The following MGAT4C variants were observed in gnomAD, a reference collection of about 807,000 sequenced individuals.
MGAT4C encodes MGAT4 family member C.
In MGAT4C, 19 loss-of-function variants were observed where a neutral mutation model predicts 40.1. The observed-to-expected ratio is 0.47, with a 90% CI of 0.33 to 0.70. The LOEUF is 0.70. Ranked by LOEUF, MGAT4C falls within the 30% of genes least tolerant of loss-of-function variation. The probability of loss-of-function intolerance (pLI) is 0.02; values close to 1 mark genes in which losing one functional copy is unlikely to be tolerated. For missense variants in MGAT4C, 491 were observed against 563.2 expected, an observed-to-expected ratio of 0.87 and a Z score of 1.30; for synonymous variants, 181 against 187.1, an observed-to-expected ratio of 0.97 and a Z score of 0.27.
chr12:86,828,322 G>A (rs943597785), intron 1 of MGAT4C, among the ~76,000 whole-genome samples: 3 of 150,350 alleles, frequency 2.0e-5, no homozygotes, highest in Non-Finnish European at 3.0e-5. Context: ...TTTTTACTCC[G>A]AGATATGTTA....
chr12:86,284,219 A>G (rs575282249), intron 4 of MGAT4C, among the ~76,000 whole-genome samples: 2 of 152,086 alleles, frequency 1.3e-5, no homozygotes, highest in South Asian at 2.1e-4. Context: ...TGAATACACA[A>G]ACAGACTTAA....
chr12:86,488,276 A>C (rs916976971), intron 2 of MGAT4C, among the ~76,000 whole-genome samples: 3 of 151,676 alleles, frequency 2.0e-5, no homozygotes, highest in African/African-American at 7.3e-5. Context: ...AAATAGAAAA[A>C]TTAGCTGGGC....
chr12:86,318,054 T>G (rs894540327), intron 4 of MGAT4C, among the ~76,000 whole-genome samples: 49 of 151,972 alleles, frequency 3.2e-4, no homozygotes, highest in African/African-American at 1.2e-3. Context: ...AAATTTTCAT[T>G]GAAGATAATT....
intron 1 of MGAT4C, among the ~76,000 whole-genome samples, chr12:86,217,446 C>T (rs1407493585): frequency 6.6e-6 from 1 of 152,082 alleles, no homozygotes; most frequent in Non-Finnish European, 1.5e-5. Flanking sequence ...AAAGTGTCCC[C>T]TCTACAGTTT....
rs932019346 is a variant in MGAT4C, at chr12:86,751,445, C to T, written c.-261-24204G>A. Among the ~76,000 whole-genome samples the T allele has an allele frequency of 6.6e-5, 10 of 151,340 alleles. No homozygotes were observed. In the South Asian group the frequency reaches 1.3e-3, roughly 19 times the overall value. On this transcript the variant is annotated intron_variant, in intron 1 of 7. Transcript: ENST00000548651. ...TGAAGATGTAAAATTAGAACAAAAT[C>T]AAAGAAGATTAAGAACAAGTAAAAA...
intron 2 of MGAT4C, among the ~76,000 whole-genome samples, chr12:86,714,441 A>T (rs1213216113): frequency 6.6e-6 from 1 of 152,062 alleles, no homozygotes; most frequent in Non-Finnish European, 1.5e-5. Flanking sequence ...TGTAATTCCC[A>T]CGTGTTGTGG....
intron 3 of MGAT4C, among the ~76,000 whole-genome samples, chr12:86,386,704 C>T (rs185045390): frequency 3.6e-4 from 55 of 152,134 alleles, no homozygotes; most frequent in African/African-American, 1.3e-3. Flanking sequence ...TTTTGGACTA[C>T]TACTTTCAAT....
chr12:86,138,592 CATAT>C (rs1281074385), intron 1 of MGAT4C, among the ~76,000 whole-genome samples: 1 of 141,710 alleles, frequency 7.1e-6, no homozygotes, highest in African/African-American at 2.6e-5. Context: ...TATATATTTC[CATAT>C]ATATATTTCC....
At chr12:86,775,923 G>T (rs1951740909) in intron 1 of MGAT4C, among the ~76,000 whole-genome samples, 1 of 150,012 alleles carries the variant, frequency 6.7e-6, no homozygotes, top group Non-Finnish European at 1.5e-5. Flanking sequence ...CCTTTATATT[G>T]CACAATAGAT....
intron 1 of MGAT4C, among the ~76,000 whole-genome samples, chr12:86,174,734 C>T (rs1887212236): frequency 6.6e-6 from 1 of 152,010 alleles, no homozygotes; most frequent in Non-Finnish European, 1.5e-5. Context: ...AGTGGTATCA[C>T]TGATTTTAAA....
intron 2 of MGAT4C, among the ~76,000 whole-genome samples, chr12:86,014,279 T>A (rs757206300): frequency 6.6e-6 from 1 of 152,162 alleles, no homozygotes; most frequent in Non-Finnish European, 1.5e-5. Flanking sequence ...ATCACAATTT[T>A]GAAGCATCAA....
At chr12:86,015,822 G>C (rs775009901) in intron 2 of MGAT4C, 9 of 152,110 alleles carry the variant, frequency 5.9e-5, no homozygotes, top group Non-Finnish European at 2.9e-5. Context: ...AAGGACTATT[G>C]ACCAATTACT....
chr12:86,637,203 A>T (rs1963245597), intron 2 of MGAT4C, among the ~76,000 whole-genome samples: 1 of 151,990 alleles, frequency 6.6e-6, no homozygotes, highest in Admixed American at 6.6e-5. Flanking sequence ...TACTATCTGG[A>T]GCATTCCTAC....
At chr12:86,618,850 A>G (rs563587353) in intron 2 of MGAT4C, among the ~76,000 whole-genome samples, 29 of 152,290 alleles carry the variant, frequency 1.9e-4, no homozygotes, top group African/African-American at 7.0e-4. Flanking sequence ...AAGAAATGGC[A>G]AATGTTTGCA....
intron 1 of MGAT4C, among the ~76,000 whole-genome samples, chr12:86,777,183 G>A (rs1225698781): frequency 2.0e-5 from 3 of 151,758 alleles, no homozygotes; most frequent in African/African-American, 7.3e-5. Context: ...TAAAATTTTA[G>A]GTATTTATAT....
chr12:86,631,636 C>G (rs535867605), intron 2 of MGAT4C, among the ~76,000 whole-genome samples: 11 of 151,848 alleles, frequency 7.2e-5, no homozygotes, highest in Non-Finnish European at 1.5e-4. Context: ...ACAAACCTGA[C>G]AAAAACAAGA....
chr12:86,515,688 G>T (rs891438291), intron 2 of MGAT4C, among the ~76,000 whole-genome samples: 4 of 149,078 alleles, frequency 2.7e-5, no homozygotes, highest in Non-Finnish European at 5.9e-5. Flanking sequence ...TGGATCAGAA[G>T]ATTTAAAAGT....
intron 1 of MGAT4C, among the ~76,000 whole-genome samples, chr12:86,185,168 T>C (rs1240697505): frequency 2.0e-5 from 3 of 152,204 alleles, no homozygotes; most frequent in Non-Finnish European, 2.9e-5. Flanking sequence ...ATTTTGTCTT[T>C]TGACACTCCT....
intron 2 of MGAT4C, among the ~76,000 whole-genome samples, chr12:86,448,420 A>G (rs1226880028): frequency 6.6e-6 from 1 of 151,962 alleles, no homozygotes; most frequent in Non-Finnish European, 1.5e-5. Flanking sequence ...TAAAAGTGCA[A>G]CTCCAACCTA....
Sources: allele counts gnomAD v4.1 joint callset (sites outside exome capture counted in the v4.1 genomes callset), GRCh38; gene constraint gnomAD v4.1.1; transcripts MANE v1.5; gene names NCBI Gene and HGNC (gene_info 2026-07-23, HGNC 2026-07-21).